MGAT4C: variants seen among roughly 807,000 people sequenced by gnomAD.
MGAT4C encodes the protein alpha-1,3-mannosyl-glycoprotein 4-beta-N-acetylglucosaminyltransferase C.
A neutral mutation model predicts 40.1 loss-of-function variants in MGAT4C; 19 were observed. The ratio of observed to expected loss-of-function variants is 0.47; its 90% CI spans 0.33 to 0.70. MGAT4C has a LOEUF of 0.70. MGAT4C is among the 30% of genes least tolerant of loss of function. The pLI is 0.02. For missense variants in MGAT4C, 491 were observed against 563.2 expected (o/e 0.87, Z 1.30); for synonymous variants, 181 against 187.1 (o/e 0.97, Z 0.27).
intron 4 of MGAT4C, among the ~76,000 whole-genome samples, chr12:86,300,284 TTTCTTTGA>T (rs1395820238): frequency 2.6e-5 from 4 of 152,192 alleles, no homozygotes; most frequent in Non-Finnish European, 4.4e-5. Context: ...ACATACATAC[TTTCTTTGA>T]TTAAAAAGTA....
At chr12:86,099,408 CTTTCTT>C (rs36213299) in intron 1 of MGAT4C, among the ~76,000 whole-genome samples, 86,287 of 149,422 alleles carry the variant, frequency 0.58, 25,273 homozygotes, top group South Asian at 0.72. Flanking sequence ...AAGAAGCTTT[CTTTCTT>C]TTTCTTTTTC....
intron 1 of MGAT4C, among the ~76,000 whole-genome samples, chr12:86,058,194 T>C (rs1893588494): frequency 6.6e-6 from 1 of 152,130 alleles, no homozygotes; most frequent in African/African-American, 2.4e-5. Context: ...CACTCATGCA[T>C]ATAAATGCTA....
At position 85,980,240 on chromosome 12, in the gene MGAT4C, G is replaced by A. The variant is rs757539324; in HGVS notation, c.486C>T (p.His162=). The A allele has an allele frequency of 1.9e-6, 3 of 1,613,780 alleles. No individual in the cohort carries two copies. The East Asian group carries it at 6.7e-5, about 36-fold the overall frequency. The change falls in exon 5 of 5, where the codon CAC becomes CAT. Residue 162 remains histidine, a synonymous_variant. Coordinates refer to ENST00000611864, the MANE Select transcript of MGAT4C (RefSeq NM_001351288.2). ...CCATTAATCTTCCTGCAATAATATG[G>A]TGCGCAAATTTCTGTGTAATATCCT... is the stretch of plus-strand genomic sequence containing the variant. The part of the protein sequence containing the change: ...MVQDITQKFA[H]HIIAGRLMVI...
intron 2 of MGAT4C, among the ~76,000 whole-genome samples, chr12:86,680,814 T>C (rs1225291726): frequency 6.6e-6 from 1 of 151,988 alleles, no homozygotes; most frequent in Non-Finnish European, 1.5e-5. Context: ...AATTTATAAA[T>C]TTAGGCTTCT....
At chr12:86,024,741 T>A (rs73374409) in intron 2 of MGAT4C, among the ~76,000 whole-genome samples, 13,347 of 151,784 alleles carry the variant, frequency 0.088, 1,322 homozygotes, top group African/African-American at 0.25. Flanking sequence ...CCCAATGAGA[T>A]TGAAGCAGTC....
At chr12:86,464,200 T>G (rs1957643899) in intron 2 of MGAT4C, among the ~76,000 whole-genome samples, 2 of 152,140 alleles carry the variant, frequency 1.3e-5, no homozygotes, top group Non-Finnish European at 2.9e-5. Flanking sequence ...TACTGGGTAA[T>G]TTGGAGAATA....
chr12:86,271,994 G>A (rs149229713), intron 4 of MGAT4C, among the ~76,000 whole-genome samples: 5 of 152,252 alleles, frequency 3.3e-5, no homozygotes, highest in Non-Finnish European at 7.4e-5. Flanking sequence ...AACTGGGAAA[G>A]GTGAGTCAGG....
intron 2 of MGAT4C, among the ~76,000 whole-genome samples, chr12:86,694,579 A>G (rs973739956): frequency 1.3e-5 from 2 of 152,196 alleles, no homozygotes; most frequent in African/African-American, 2.4e-5. Flanking sequence ...TATATCTTTC[A>G]GAATTATTTG....
At chr12:86,186,551 A>G (rs1470073893) in intron 1 of MGAT4C, among the ~76,000 whole-genome samples, 1 of 152,116 alleles carries the variant, frequency 6.6e-6, no homozygotes, top group East Asian at 1.9e-4. Context: ...ATTACCCCTA[A>G]CAGACAAATT....
At chr12:86,218,484 T>C (rs753775031) in intron 1 of MGAT4C, among the ~76,000 whole-genome samples, 1 of 152,202 alleles carries the variant, frequency 6.6e-6, no homozygotes, top group Non-Finnish European at 1.5e-5. Context: ...ATTGAGCTTA[T>C]TTGATATATT....
chr12:85,982,664 A>T (rs540210004), intron 4 of MGAT4C, among the ~76,000 whole-genome samples: 1 of 152,284 alleles, frequency 6.6e-6, no homozygotes, highest in East Asian at 1.9e-4. Flanking sequence ...TCTTGGCTCC[A>T]AATATATTTT....
chr12:86,540,572 C>T (rs1312845746), intron 2 of MGAT4C, among the ~76,000 whole-genome samples: 2 of 152,046 alleles, frequency 1.3e-5, no homozygotes, highest in Non-Finnish European at 2.9e-5. Context: ...CCTGTCTCTA[C>T]TAAAAATACA....
chr12:86,227,718 T>G (rs1294231965), intron 1 of MGAT4C, among the ~76,000 whole-genome samples: 4 of 151,954 alleles, frequency 2.6e-5, no homozygotes, highest in African/African-American at 9.7e-5. Context: ...TAAATGTATT[T>G]GAGAGGATAC....
chr12:86,584,471 AC>A (rs1190512082), intron 2 of MGAT4C, among the ~76,000 whole-genome samples: 1 of 151,042 alleles, frequency 6.6e-6, no homozygotes, highest in Non-Finnish European at 1.5e-5. Context: ...TGCTCTTTTA[AC>A]TTAACAATAT....
intron 2 of MGAT4C, among the ~76,000 whole-genome samples, chr12:86,652,575 T>G (rs904184314): frequency 6.6e-6 from 1 of 151,886 alleles, no homozygotes; most frequent in Admixed American, 6.6e-5. Context: ...GGAATGCTGA[T>G]AGACTGAATT....
intron 3 of MGAT4C, among the ~76,000 whole-genome samples, chr12:86,356,579 A>G (rs544616966): frequency 4.3e-4 from 66 of 152,278 alleles, no homozygotes; most frequent in African/African-American, 1.5e-3. Flanking sequence ...AGCCAAGGGT[A>G]GCCGTGACAG....
At chr12:86,385,232 CAAG>C (rs1377360882) in intron 3 of MGAT4C, among the ~76,000 whole-genome samples, 3 of 151,942 alleles carry the variant, frequency 2.0e-5, no homozygotes, top group African/African-American at 4.8e-5. Flanking sequence ...CAAATTAAAA[CAAG>C]AATAAGATAA....
intron 2 of MGAT4C, among the ~76,000 whole-genome samples, chr12:86,479,444 G>T (rs1224367200): frequency 6.6e-6 from 1 of 151,904 alleles, no homozygotes; most frequent in Non-Finnish European, 1.5e-5. Context: ...ATGCATGTGT[G>T]TGTGTGAATA....
intron 3 of MGAT4C, among the ~76,000 whole-genome samples, chr12:86,408,479 C>CTCTCTCTCTCTCTCTCTATATA (rs1267344319): frequency 4.7e-5 from 3 of 63,368 alleles, no homozygotes; most frequent in African/African-American, 2.4e-4. Flanking sequence ...CTCTCTCTCT[C>CTCTCTCTCTCTCTCTCTATATA]TATATATATA....
Sources: gnomAD v4.1 joint callset for allele counts (sites outside exome capture counted in the v4.1 genomes callset) on GRCh38, gnomAD v4.1.1 for gene constraint, MANE v1.5 for transcripts, NCBI Gene and HGNC (gene_info 2026-07-23, HGNC 2026-07-21) for gene names.